Variants in PCNT observed in about 807,000 individuals in gnomAD.
The protein encoded by PCNT is kendrin.
In PCNT, 319 loss-of-function variants were observed where a neutral mutation model predicts 380.4. That is an observed-to-expected ratio of 0.84 (90% CI 0.77 to 0.92). PCNT has a LOEUF of 0.92. PCNT is among the 40% of genes least tolerant of loss of function. The pLI, the probability that PCNT is intolerant of heterozygous loss-of-function variation, is 0.00. For missense variants in PCNT, 4,400 were observed against 4,255.3 expected (o/e 1.03, Z -0.95); for synonymous variants, 1,845 against 1,735.2 (o/e 1.06, Z -1.57).
At position 46,353,099 on chromosome 21, in the gene PCNT, T is replaced by A. The variant is rs769237607; in HGVS notation, c.1457-5T>A. 21 of 1,611,378 alleles carry A rather than the reference T, an allele frequency of 1.3e-5. No individual in the cohort carries two copies. The highest frequency in any genetic ancestry group is 1.8e-5 in the Non-Finnish European group (21 of 1,177,756). On this transcript the variant is annotated splice_polypyrimidine_tract_variant and splice_region_variant and intron_variant, in intron 9 of 46. Coordinates refer to ENST00000359568, the MANE Select transcript of PCNT (RefSeq NM_006031.6). ...AGACGATTGCCTGACTCCGTTATGT[T>A]GCAGAGCTACATGAGCAACTCCTGG...
intron 3 of PCNT, among the ~76,000 whole-genome samples, chr21:46,341,043 C>G (rs1031118694): frequency 1.4e-5 from 2 of 140,674 alleles, no homozygotes; most frequent in Non-Finnish European, 3.1e-5. Flanking sequence ...GCCACCATAT[C>G]CGGCTGATTT....
chr21:46,334,633 G>A lies in PCNT; in HGVS notation c.504G>A (p.Gln168=). 1 of 1,605,152 alleles carries A rather than the reference G, an allele frequency of 6.2e-7. No homozygotes were observed. Among genetic ancestry groups the A allele is most frequent in the Non-Finnish European group, 8.5e-7 (1 of 1,174,760 alleles). Residue 168 remains glutamine, a synonymous_variant, in exon 3 of 47, where the codon CAG becomes CAA. Transcript: ENST00000359568. ...CAGTCAGTGACCACCCACCAGAACA[G>A]CGTGGGATGTTCACAATCAGTGACC... ...MFTVSDHPPE[Q]RGMFTISDHQ... is the part of the protein sequence containing the mutation.
At chr21:46,334,365 TA>T (rs755781970) in intron 2 of PCNT, 31 bp from the exon 3 acceptor site, 2 of 1,613,932 alleles carry the variant, frequency 1.2e-6, no homozygotes, top group Admixed American at 3.3e-5. Flanking sequence ...GACCTTGCTT[TA>T]AATGCTTCTT....
chr21:46,399,778 C>A lies in PCNT; in HGVS notation c.4773C>A (p.Ile1591=). 1.9e-6 allele frequency: 3 copies of A among 1,613,898 alleles called. No individual in the cohort carries two copies. Among genetic ancestry groups the A allele is most frequent in the Non-Finnish European group, 2.5e-6 (3 of 1,179,898 alleles). ...LQEEVEKQKN[I]VKGLEQDKEV... The stretch of plus-strand genomic sequence containing the variant: ...AAGAAGTGGAAAAACAGAAAAACAT[C>A]GTGAAAGGGCTGGAACAGGTAAAGC... Residue 1591 remains isoleucine (I), a synonymous_variant, in exon 25 of 47, where the codon ATC becomes ATA. Coordinates refer to ENST00000359568, the MANE Select transcript of PCNT (RefSeq NM_006031.6).
In PCNT at chr21:46,397,246, G is replaced by A. The variant is rs1441346390; in HGVS notation, c.4217-19G>A. The A allele has an allele frequency of 6.2e-7, 1 of 1,602,074 alleles. No homozygotes were observed. Among genetic ancestry groups the A allele is most frequent in the Admixed American group, 1.7e-5 (1 of 60,006 alleles). ...GAGGTGCGGGGGTGTCCCCGTGTCT[G>A]TCCTGTTTGCATCCTTAGCTCTCCG... is the stretch of plus-strand genomic sequence containing the variant. On this transcript the variant is annotated intron_variant, in intron 21 of 46. Coordinates refer to ENST00000359568, the MANE Select transcript of PCNT (RefSeq NM_006031.6).
Position 46,389,448 on chromosome 21 carries a change from CGGGG to C in PCNT, c.3840+18_3840+21del. 4 of 1,601,530 alleles carry C rather than the reference CGGGG, an allele frequency of 2.5e-6. No homozygotes were observed. The highest frequency in any genetic ancestry group is 3.4e-6 in the Non-Finnish European group (4 of 1,168,966). On this transcript the variant is annotated intron_variant, in intron 19 of 46. Coordinates refer to ENST00000359568, the MANE Select transcript of PCNT (RefSeq NM_006031.6). ...AGCAGGCAGGTGAGGCCCAGGCTCC[CGGGG>C]TCCTGTGGAGATGTGAACAACTGAG...
intron 33 of PCNT, 86 bp downstream of exon 33, chr21:46,426,057 T>A (rs2087483145): frequency 1.0e-6 from 1 of 971,020 alleles, no homozygotes; most frequent in Non-Finnish European, 1.5e-6. Flanking sequence ...ACGTGGACAC[T>A]AGGATTTCTT....
In PCNT at chr21:46,346,100, A is replaced by G. The variant is rs756704410; in HGVS notation, c.640-28A>G. ...CTGTGGCTTCTCATGTGAATTCTGG[A>G]CCTACATTCTTTGCCTTTTTTCCCC... On this transcript the variant is annotated intron_variant, in intron 3 of 46. Coordinates refer to ENST00000359568, the MANE Select transcript of PCNT (RefSeq NM_006031.6). 18 of 1,604,168 alleles carry G rather than the reference A, an allele frequency of 1.1e-5. 1 individual carries two copies. The African/African-American group carries it at 2.4e-4, about 21-fold the overall frequency.
intron 3 of PCNT, among the ~76,000 whole-genome samples, chr21:46,342,330 C>T (rs531265906): frequency 3.2e-4 from 48 of 152,220 alleles, no homozygotes; most frequent in African/African-American, 1.2e-3. Flanking sequence ...TGGTCTTGAA[C>T]TCCTGACCTC....
intron 15 of PCNT, among the ~76,000 whole-genome samples, chr21:46,375,100 C>A (rs2085293269): frequency 6.6e-6 from 1 of 152,084 alleles, no homozygotes. Context: ...GAGGAAAGTC[C>A]TCTGAAAACG....
intron 30 of PCNT, 83 bp from the exon 31 acceptor site, chr21:46,418,121 C>G: frequency 3.7e-6 from 3 of 811,280 alleles, no homozygotes; most frequent in Non-Finnish European, 6.4e-6. Context: ...TAAATTCAGG[C>G]CTTTGAAAGT....
chr21:46,430,564 T>A lies in PCNT; in HGVS notation c.7971T>A (p.Ser2657Arg). Residue 2657 changes from serine to arginine, a missense_variant, in exon 37 of 47, where the codon AGT (serine) becomes AGA (arginine). Ser to Arg is a moderately radical substitution (Grantham distance 110, BLOSUM62 -1). Transcript: ENST00000359568. ...ELKAALQELE[S>R]EQGKGRALQS... is the part of the protein sequence containing the mutation. ...AGGCCGCGCTTCAGGAGCTGGAGAG[T>A]GAGCAGGGGAAGGGGCGTGCCCTGC... 6.4e-7 allele frequency: 1 copy of A among 1,558,754 alleles called. No homozygotes were observed. Among genetic ancestry groups the A allele is most frequent in the Non-Finnish European group, 8.7e-7 (1 of 1,151,882 alleles).
intron 15 of PCNT, among the ~76,000 whole-genome samples, chr21:46,372,087 A>T (rs912556297): frequency 6.6e-6 from 1 of 151,126 alleles, no homozygotes; most frequent in Non-Finnish European, 1.5e-5. Flanking sequence ...GCACATGCGC[A>T]CACATAGCAC....
At chr21:46,363,241 T>A (rs543393512) in intron 13 of PCNT, among the ~76,000 whole-genome samples, 2 of 152,288 alleles carry the variant, frequency 1.3e-5, no homozygotes, top group East Asian at 3.9e-4. Flanking sequence ...GCTCCAGAGA[T>A]AAAGAACAGT....
intron 31 of PCNT, 35 bp from the exon 32 acceptor site, chr21:46,421,935 C>T (rs2087269416): frequency 6.2e-7 from 1 of 1,611,418 alleles, no homozygotes. Context: ...CCCTGGAGAG[C>T]TGTGGGTGGG....
intron 12 of PCNT, among the ~76,000 whole-genome samples, chr21:46,356,511 C>T (rs994883634): frequency 1.3e-5 from 2 of 152,228 alleles, no homozygotes; most frequent in African/African-American, 4.8e-5. Flanking sequence ...GTGGGGGTAG[C>T]GTGCCTGGGC....
intron 29 of PCNT, among the ~76,000 whole-genome samples, chr21:46,415,298 T>G (rs1010547825): frequency 6.6e-6 from 1 of 151,328 alleles, no homozygotes; most frequent in African/African-American, 2.4e-5. Context: ...ACATCCTGTG[T>G]GGAGAGCCCT....
intron 15 of PCNT, among the ~76,000 whole-genome samples, chr21:46,372,166 ACACACACAGCACATG>A (rs1026052026): frequency 2.0e-5 from 3 of 150,046 alleles, no homozygotes; most frequent in Admixed American, 1.3e-4. Flanking sequence ...AGGCACACGC[ACACACACAGCACATG>A]CACACACAGC....
intron 14 of PCNT, among the ~76,000 whole-genome samples, chr21:46,365,514 G>C (rs906633580): frequency 7.2e-6 from 1 of 139,600 alleles, no homozygotes; most frequent in African/African-American, 2.7e-5. Flanking sequence ...TCTGATCACT[G>C]CCATGGGGTT....
Sources: gnomAD v4.1 joint callset for allele counts (sites outside exome capture counted in the v4.1 genomes callset) on GRCh38, gnomAD v4.1.1 for gene constraint, MANE v1.5 for transcripts, NCBI Gene and HGNC (gene_info 2026-07-23, HGNC 2026-07-21) for gene names.